Variants in ABCA4 observed in about 807,000 individuals in gnomAD.
ABCA4 encodes the protein ATP binding cassette subfamily A member 4.
A neutral mutation model predicts 263.7 loss-of-function variants in ABCA4; 196 were observed. The ratio of observed to expected loss-of-function variants is 0.74; its 90% CI spans 0.66 to 0.84. ABCA4 has a LOEUF of 0.84. Ranked by LOEUF, ABCA4 falls within the 40% of genes least tolerant of loss-of-function variation. The pLI is 0.00. For missense variants in ABCA4, 2,792 were observed against 2,855.1 expected (o/e 0.98, Z 0.50); for synonymous variants, 1,133 against 1,094.2 (o/e 1.04, Z -0.70).
chr1:94,046,097 C>G, intron 19 of ABCA4: 1 of 369,250 alleles, frequency 2.7e-6, no homozygotes, highest in Non-Finnish European at 5.3e-6. Context: ...CCCTCATCAG[C>G]TGATGTTGAA....
intron 22 of ABCA4, 115 bp from the exon 23 acceptor site, chr1:94,041,517 A>G: frequency 8.9e-7 from 1 of 1,121,374 alleles, no homozygotes. Context: ...GTTAACTAAA[A>G]AAAAAAACCC....
rs60816637 is a variant in ABCA4 at position 94,073,652 on chromosome 1, C to T, written c.1554+4038G>A. Among the ~76,000 whole-genome samples, 415 of 152,250 alleles carry T rather than the reference C, an allele frequency of 2.7e-3. 2 individuals are homozygous for T. Among genetic ancestry groups the T allele is most frequent in the African/African-American group, 9.2e-3 (384 of 41,550 alleles). On this transcript the variant is annotated intron_variant, in intron 11 of 49. Transcript: ENST00000370225. ...GGCACAGATAATAGGAATTTGAACCCAGGCAGTGTGGGTCCAGAGACTGAA... is the reference window on the plus strand; with the variant it reads ...GGCACAGATAATAGGAATTTGAACCTAGGCAGTGTGGGTCCAGAGACTGAA...
intron 10 of ABCA4, 38 bp downstream of exon 10, chr1:94,078,552 C>CT: frequency 1.2e-6 from 1 of 828,086 alleles, no homozygotes; most frequent in South Asian, 1.3e-5. Flanking sequence ...CCACCGCTTC[C>CT]TCCTCCCCTC....
intron 44 of ABCA4, among the ~76,000 whole-genome samples, chr1:94,004,050 G>A (rs1571244690): frequency 1.3e-5 from 2 of 152,136 alleles, no homozygotes; most frequent in South Asian, 2.1e-4. Flanking sequence ...GAGGAATCAG[G>A]GTTACTTTTA....
chr1:94,030,409 G>A lies in ABCA4; in HGVS notation c.4352+19C>T, dbSNP rs1177217666. 1 of 1,612,418 alleles carries A rather than the reference G, an allele frequency of 6.2e-7. No homozygotes were observed. The highest frequency in any genetic ancestry group is 1.3e-5 in the African/African-American group (1 of 74,886). On this transcript the variant is annotated intron_variant, in intron 29 of 49. Transcript: ENST00000370225. ...CAGGGGAGCTAGTCTTCTTAGGACA[G>A]GGGCGCGTAGGCACTTACGGAAGCC...
At chr1:94,015,997 G>A in intron 36 of ABCA4, 143 bp from the exon 37 acceptor site, 2 of 755,784 alleles carry the variant, frequency 2.6e-6, no homozygotes, top group South Asian at 1.5e-5. Context: ...TTCTTGGTTG[G>A]CAAACATATG....
At position 94,085,957 on chromosome 1, in the gene ABCA4, C is replaced by T. The variant is rs137942046; in HGVS notation, c.769-2516G>A. On this transcript the variant is annotated intron_variant, in intron 6 of 49. Coordinates refer to ENST00000370225, the MANE Select transcript of ABCA4 (RefSeq NM_000350.3). ...CCCTTTTTCTATGCCTCTTGCTCAC[C>T]CCTGCCCAGCCACGCTCTCTTTAGG... 2.1e-3 allele frequency among the ~76,000 whole-genome samples: 324 copies of T among 152,232 alleles called. 3 individuals carry two copies. Among genetic ancestry groups the T allele is most frequent in the Admixed American group, 4.0e-3 (61 of 15,294 alleles).
intron 14 of ABCA4, among the ~76,000 whole-genome samples, chr1:94,057,875 G>A (rs1203736371): frequency 6.6e-6 from 1 of 152,202 alleles, no homozygotes; most frequent in Non-Finnish European, 1.5e-5. Context: ...ACGTAAATGA[G>A]TACATAGAAT....
At chr1:94,102,920 G>A in intron 5 of ABCA4, 95 bp downstream of exon 5, 3 of 1,545,454 alleles carry the variant, frequency 1.9e-6, no homozygotes, top group Non-Finnish European at 2.7e-6. Context: ...TGAACACAAG[G>A]AAGAAAGAAG....
At chr1:94,111,413 G>C (rs759605018) in intron 3 of ABCA4, 25 bp downstream of exon 3, 17 of 1,612,830 alleles carry the variant, frequency 1.1e-5, no homozygotes, top group Non-Finnish European at 1.3e-5. Context: ...TTCCTCCCCT[G>C]CATGGTAGGG....
intron 8 of ABCA4, among the ~76,000 whole-genome samples, chr1:94,079,804 C>A (rs552107972): frequency 6.6e-6 from 1 of 152,154 alleles, no homozygotes; most frequent in Non-Finnish European, 1.5e-5. Flanking sequence ...ACAAGGCCCC[C>A]GCTTGGAATC....
At chr1:94,062,504 C>T (rs1167394001) in intron 13 of ABCA4, 73 bp downstream of exon 13, 1 of 1,555,818 alleles carries the variant, frequency 6.4e-7, no homozygotes, top group African/African-American at 1.4e-5. Context: ...TGAGGGCACC[C>T]CCAGCCCACC....
intron 45 of ABCA4, 124 bp from the exon 46 acceptor site, chr1:94,001,229 C>A: frequency 1.3e-6 from 1 of 748,970 alleles, no homozygotes; most frequent in East Asian, 2.7e-5. Flanking sequence ...TCACTCCCCT[C>A]ACTTGAGCAA....
chr1:94,121,123 C>T lies in ABCA4; in HGVS notation c.-78G>A. 3.7e-6 allele frequency: 5 copies of T among 1,347,012 alleles called. No homozygotes were observed. The highest frequency in any genetic ancestry group is 2.3e-5 in the South Asian group (2 of 85,712). The allele number at this position is 1,347,012 out of a possible 1,614,324, so 83.4% of individuals were successfully genotyped here. A position where few individuals can be genotyped will look rare whatever the true frequency, so the allele number is the denominator to read the frequency against. On this transcript the variant is annotated 5_prime_UTR_variant, in exon 1 of 50. Coordinates refer to ENST00000370225, the MANE Select transcript of ABCA4 (RefSeq NM_000350.3). Reference sequence around the variant, plus strand: ...CAAAGGACATAAACGCCGTTAAGAGCGCCTCTGGCTCCGGACGCTGTGTCC... The same window carrying T: ...CAAAGGACATAAACGCCGTTAAGAGTGCCTCTGGCTCCGGACGCTGTGTCC...
intron 43 of ABCA4, among the ~76,000 whole-genome samples, chr1:94,005,956 T>A (rs1276887535): frequency 6.6e-6 from 1 of 152,190 alleles, no homozygotes; most frequent in East Asian, 1.9e-4. Context: ...AAAAGATGCA[T>A]GTGTCCCGAT....
intron 14 of ABCA4, among the ~76,000 whole-genome samples, chr1:94,058,654 G>A (rs537075464): frequency 2.0e-5 from 3 of 152,316 alleles, no homozygotes; most frequent in South Asian, 2.1e-4. Flanking sequence ...GAGCCACCAC[G>A]CCCAGCCTGA....
At chr1:94,020,322 T>C (rs946848285) in intron 35 of ABCA4, among the ~76,000 whole-genome samples, 1 of 152,218 alleles carries the variant, frequency 6.6e-6, no homozygotes, top group Non-Finnish European at 1.5e-5. Context: ...GAGGGGTAAG[T>C]TGGGGCTAAA....
intron 11 of ABCA4, among the ~76,000 whole-genome samples, chr1:94,068,625 T>C (rs1034337541): frequency 6.6e-6 from 1 of 152,210 alleles, no homozygotes; most frequent in Non-Finnish European, 1.5e-5. Context: ...AGTTAGAATA[T>C]AGTAGGTTCT....
chr1:94,115,609 A>C (rs1439122975), intron 1 of ABCA4, among the ~76,000 whole-genome samples: 1 of 152,152 alleles, frequency 6.6e-6, no homozygotes, highest in Non-Finnish European at 1.5e-5. Flanking sequence ...TCATCTGTGA[A>C]ATGGATGTGA....
Sources: gnomAD v4.1 joint callset for allele counts (sites outside exome capture counted in the v4.1 genomes callset) on GRCh38, gnomAD v4.1.1 for gene constraint, MANE v1.5 for transcripts, NCBI Gene and HGNC (gene_info 2026-07-23, HGNC 2026-07-21) for gene names.